The following OSBPL3 variants were observed in gnomAD, a reference collection of about 807,000 sequenced individuals.
OSBPL3 encodes oxysterol-binding protein-related protein 3.
In OSBPL3, 65 loss-of-function variants were observed where a neutral mutation model predicts 120.1. The observed-to-expected ratio is 0.54, with a 90% CI of 0.44 to 0.67. The LOEUF (loss-of-function observed/expected upper bound fraction) is 0.67, where lower values mean the gene tolerates loss of function less well. Among genes scored for constraint, OSBPL3 ranks in the 30% least tolerant of loss-of-function variants. The pLI, the probability that OSBPL3 is intolerant of heterozygous loss-of-function variation, is 0.00. For synonymous variants in OSBPL3, 416 were observed against 402.6 expected (o/e 1.03, Z -0.40); for missense variants, 1,004 against 1,082.1 (o/e 0.93, Z 1.01).
In OSBPL3 at chr7:24,864,695, G is replaced by A. The variant is rs1801060521; in HGVS notation, c.673+647C>T. ...TATATATGCCTAAATCCCACCCCCAGACAATTCAATCAGAGCACTCCCAGT... is the reference window on the plus strand; with the variant it reads ...TATATATGCCTAAATCCCACCCCCAAACAATTCAATCAGAGCACTCCCAGT... On this transcript the variant is annotated intron_variant, in intron 7 of 22. Coordinates refer to ENST00000313367, the MANE Select transcript of OSBPL3 (RefSeq NM_015550.4). 2.0e-5 allele frequency among the ~76,000 whole-genome samples: 3 copies of A among 152,156 alleles called. No homozygotes were observed. In the South Asian group the frequency reaches 6.2e-4, roughly 32 times the overall value.
In OSBPL3 at chr7:24,932,198, G is replaced by C. The variant is rs2001830; in HGVS notation, c.-149-39577C>G. ...CACATTTGTCCCACTTTAAAGCTTC[G>C]GCAACTGAGGCTTAACAAGGTCATA... On this transcript the variant is annotated intron_variant, in intron 1 of 22. Transcript: ENST00000313367. This position sits in a 1 kb window ranked among gnomAD's most constrained non-coding sequence, Gnocchi z 5.6. Among the ~76,000 whole-genome samples the C allele has an allele frequency of 6.6e-6, 1 of 151,942 alleles. No homozygotes were observed. Among genetic ancestry groups the C allele is most frequent in the Non-Finnish European group, 1.5e-5 (1 of 67,998 alleles).
chr7:24,812,171 G>T (rs904938010), intron 19 of OSBPL3, among the ~76,000 whole-genome samples: 41 of 151,930 alleles, frequency 2.7e-4, no homozygotes, highest in Admixed American at 2.7e-3. Flanking sequence ...GCTGGCTGTG[G>T]TAGTGGGCAC....
chr7:24,868,365 G>C (rs1431398793), intron 5 of OSBPL3, among the ~76,000 whole-genome samples: 3 of 137,348 alleles, frequency 2.2e-5, no homozygotes, highest in East Asian at 3.4e-4. Flanking sequence ...GTGTGTGTGT[G>C]TGTGTCTGTG....
rs1284670560 is a variant in OSBPL3, at chr7:24,834,806, A to G, written c.1496-70T>C. 1.7e-5 allele frequency: 23 copies of G among 1,371,242 alleles called. No homozygotes were observed. Among genetic ancestry groups the G allele is most frequent in the Non-Finnish European group, 2.3e-5 (23 of 1,021,140 alleles). The allele number at this position is 1,371,242 out of a possible 1,614,324, so 84.9% of individuals were successfully genotyped here. A position where few individuals can be genotyped will look rare whatever the true frequency, so the allele number is the denominator to read the frequency against. On this transcript the variant is annotated intron_variant, in intron 14 of 22. Transcript: ENST00000313367. This position sits in a 1 kb window ranked among gnomAD's most constrained non-coding sequence, Gnocchi z 5.2. ...TTATTCTATTATTTTTAATCCACGA[A>G]TAAAACCTTACGTAGCAAGTAGTCA... is the stretch of plus-strand genomic sequence containing the variant.
rs1226192357 is a variant in OSBPL3 at position 24,799,283 on chromosome 7, T to C, written c.*900A>G. On this transcript the variant is annotated 3_prime_UTR_variant, in exon 23 of 23. Transcript: ENST00000313367. This position sits in a 1 kb window ranked among gnomAD's most constrained non-coding sequence, Gnocchi z 5.3. ...AGTCAAACTGCTGTGTGGAATAAAC[T>C]GTATGTTTTATATTAAACTGGGACA... The C allele has an allele frequency of 6.6e-6, 1 of 152,598 alleles. No homozygotes were observed. Among genetic ancestry groups the C allele is most frequent in the Non-Finnish European group, 1.5e-5 (1 of 68,046 alleles). The allele number at this position is 152,598 out of a possible 1,614,324, so 9.5% of individuals were successfully genotyped here.
intron 1 of OSBPL3, among the ~76,000 whole-genome samples, chr7:24,971,001 G>A (rs1260869713): frequency 2.0e-5 from 3 of 152,208 alleles, no homozygotes; most frequent in African/African-American, 7.2e-5. Flanking sequence ...AAAGTCTCAT[G>A]GACAAGAAAA....
rs10591188 is a variant in OSBPL3, at chr7:24,909,783, CTTTTTTTTTTTTTT to C, written c.-149-17176_-149-17163del. Among the ~76,000 whole-genome samples, 721 of 77,316 alleles carry C rather than the reference CTTTTTTTTTTTTTT, an allele frequency of 9.3e-3. 4 individuals carry two copies. The highest frequency in any genetic ancestry group is 0.013 in the Non-Finnish European group (559 of 43,844). 50.7% of individuals were successfully genotyped at this position (77,316 alleles called of 152,430 possible). A position where few individuals can be genotyped will look rare whatever the true frequency, so the allele number is the denominator to read the frequency against. On this transcript the variant is annotated intron_variant, in intron 1 of 22. Coordinates refer to ENST00000313367, the MANE Select transcript of OSBPL3 (RefSeq NM_015550.4). Reference sequence around the variant, plus strand: ...GAAAGCTACTGTTTTTTTTTTCTTTCTTTTTTTTTTTTTTTTTTTTTTTTTGGAGACAGAGTCTT... The same window carrying C: ...GAAAGCTACTGTTTTTTTTTTCTTTCTTTTTTTTTTTGGAGACAGAGTCTT...
rs186702360 is a variant in OSBPL3 at position 24,838,661 on chromosome 7, T to C, written c.1495+2029A>G. ...CTCTTGACCTTTGACCTCTGAACATTCCATTAACTTTGTGCTTCCTATGGC... is the reference window on the plus strand; with the variant it reads ...CTCTTGACCTTTGACCTCTGAACATCCCATTAACTTTGTGCTTCCTATGGC... On this transcript the variant is annotated intron_variant, in intron 14 of 22. Coordinates refer to ENST00000313367, the MANE Select transcript of OSBPL3 (RefSeq NM_015550.4). 2.3e-3 allele frequency among the ~76,000 whole-genome samples: 349 copies of C among 152,254 alleles called. 1 individual carries two copies. Among genetic ancestry groups the C allele is most frequent in the Non-Finnish European group, 3.9e-3 (264 of 68,016 alleles).
intron 1 of OSBPL3, among the ~76,000 whole-genome samples, chr7:24,978,161 A>C (rs561259219): frequency 6.6e-6 from 1 of 152,348 alleles, no homozygotes; most frequent in Admixed American, 6.5e-5. Context: ...TCTGGTTAAA[A>C]ATACCTAGCT....
At chr7:24,801,467 G>A (rs765035322) in intron 22 of OSBPL3, among the ~76,000 whole-genome samples, 3 of 151,056 alleles carry the variant, frequency 2.0e-5, no homozygotes, top group Non-Finnish European at 4.4e-5. Flanking sequence ...GGGAAATTCC[G>A]TGTGTGTGTG....
At chr7:24,919,734 G>A (rs1304473914) in intron 1 of OSBPL3, among the ~76,000 whole-genome samples, 1 of 150,920 alleles carries the variant, frequency 6.6e-6, no homozygotes, top group Admixed American at 6.7e-5. Context: ...GCAATCCACA[G>A]AACGAGAGAT....
chr7:24,825,967 G>A lies in OSBPL3; in HGVS notation c.1884+4801C>T, dbSNP rs1795657391. 2.6e-5 allele frequency among the ~76,000 whole-genome samples: 4 copies of A among 152,340 alleles called. No homozygotes were observed. The South Asian group carries it at 8.3e-4, about 32-fold the overall frequency. On this transcript the variant is annotated intron_variant, in intron 16 of 22. Coordinates refer to ENST00000313367, the MANE Select transcript of OSBPL3 (RefSeq NM_015550.4). ...ATGATCTGGACAACTAAAGTTTCAT[G>A]TAATTAGGAAAAGCTACTTTTAGAC... is the stretch of plus-strand genomic sequence containing the variant.
chr7:24,877,662 G>A lies in OSBPL3; in HGVS notation c.97-5593C>T, dbSNP rs879615068. Among the ~76,000 whole-genome samples the A allele has an allele frequency of 1.3e-5, 2 of 152,182 alleles. No individual in the cohort carries two copies. The highest frequency in any genetic ancestry group is 2.9e-5 in the Non-Finnish European group (2 of 68,026). ...GAGTCCCCCAGAACCTTCGGGACAT[G>A]GGACTTTAATAATGTGTGCTGGATT... On this transcript the variant is annotated intron_variant, in intron 2 of 22. Transcript: ENST00000313367. The surrounding 1 kb of genome is among the most constrained non-coding windows in gnomAD (Gnocchi z 4.8).
chr7:24,928,480 C>G (rs534294641), intron 1 of OSBPL3, among the ~76,000 whole-genome samples: 6 of 152,166 alleles, frequency 3.9e-5, no homozygotes, highest in Non-Finnish European at 8.8e-5. Context: ...CATCAGCCAC[C>G]GTGCCCGGCC....
At chr7:24,816,554 G>A in intron 18 of OSBPL3, 56 bp downstream of exon 18, 1 of 1,270,480 alleles carries the variant, frequency 7.9e-7, no homozygotes, top group Admixed American at 1.7e-5. Flanking sequence ...TGTCCCCAAA[G>A]CAAAATCTTG....
intron 20 of OSBPL3, among the ~76,000 whole-genome samples, chr7:24,807,322 A>G (rs1366520851): frequency 2.0e-5 from 3 of 151,880 alleles, no homozygotes; most frequent in Non-Finnish European, 4.4e-5. Context: ...GCGAAACACC[A>G]TCTCTACTAA....
intron 9 of OSBPL3, 71 bp from the exon 10 acceptor site, chr7:24,861,840 A>T: frequency 1.0e-6 from 1 of 991,442 alleles, no homozygotes; most frequent in Non-Finnish European, 1.5e-6. Flanking sequence ...TGATTCTAAG[A>T]TTGAAACATG....
Position 24,861,683 on chromosome 7 carries a change from A to G in OSBPL3, c.957T>C (p.Tyr319=). 6.2e-7 allele frequency: 1 copy of G among 1,611,078 alleles called. No individual in the cohort carries two copies. Among genetic ancestry groups the G allele is most frequent in the Non-Finnish European group, 8.5e-7 (1 of 1,177,468 alleles). Residue 319 remains tyrosine (Y), a synonymous_variant, in exon 10 of 23, where the codon TAT becomes TAC. Coordinates refer to ENST00000313367, the MANE Select transcript of OSBPL3 (RefSeq NM_015550.4). ...CTGATGAGGTTTCAGAGCCATCAGAATAATTTTTCTCTTCTCCAAAATCTA... is the reference window on the plus strand; with the variant it reads ...CTGATGAGGTTTCAGAGCCATCAGAGTAATTTTTCTCTTCTCCAAAATCTA... ...STLDFGEEKN[Y]SDGSETSSEF...
intron 10 of OSBPL3, 85 bp downstream of exon 10, chr7:24,861,528 G>A (rs2128248430): frequency 1.2e-6 from 1 of 853,908 alleles, no homozygotes; most frequent in East Asian, 2.7e-5. Flanking sequence ...AACCAACTAA[G>A]ATACTCTCTC....
Sources: allele counts gnomAD v4.1 joint callset (sites outside exome capture counted in the v4.1 genomes callset), GRCh38; gene constraint gnomAD v4.1.1; non-coding constraint Gnocchi (gnomAD v3.1); transcripts MANE v1.5; gene names NCBI Gene and HGNC (gene_info 2026-07-23, HGNC 2026-07-21).